The following CRYBA1 variants were observed in gnomAD, a reference collection of about 807,000 sequenced individuals.
The protein encoded by CRYBA1 is beta-crystallin A3.
Under a neutral mutation model 36.2 loss-of-function variants are expected in CRYBA1, and 25 were observed. That is an observed-to-expected ratio of 0.69 (90% CI 0.50 to 0.97). The LOEUF (loss-of-function observed/expected upper bound fraction) is 0.97, where lower values mean the gene tolerates loss of function less well. Among genes scored for constraint, CRYBA1 ranks in the 50% least tolerant of loss-of-function variants. The pLI is 0.00. For synonymous variants in CRYBA1, 111 were observed against 90.0 expected (o/e 1.23, Z -1.32); for missense variants, 224 against 276.3 (o/e 0.81, Z 1.34).
intron 3 of CRYBA1, 57 bp downstream of exon 3, chr17:29,250,357 G>T: frequency 1.0e-6 from 1 of 967,982 alleles, no homozygotes; most frequent in Non-Finnish European, 1.7e-6. Context: ...TTCAGACAGG[G>T]GACCATAGAG....
intron 2 of CRYBA1, 65 bp from the exon 3 acceptor site, chr17:29,250,116 CT>C (rs2068926235): frequency 1.1e-6 from 1 of 894,824 alleles, no homozygotes; most frequent in African/African-American, 1.6e-5. Flanking sequence ...TGAAGTTAAG[CT>C]GTTGACCTGG....
intron 2 of CRYBA1, among the ~76,000 whole-genome samples, chr17:29,249,431 C>T (rs1385791294): frequency 6.6e-6 from 1 of 152,188 alleles, no homozygotes; most frequent in Non-Finnish European, 1.5e-5. Context: ...GGAGATGATA[C>T]CTAGTTTCCT....
intron 5 of CRYBA1, 134 bp from the exon 6 acceptor site, chr17:29,254,068 A>G (rs1388169560): frequency 1.9e-5 from 19 of 989,558 alleles, no homozygotes; most frequent in Non-Finnish European, 2.9e-5. Flanking sequence ...AGTGCCTGAC[A>G]CATTTAGGAT....
At chr17:29,248,122 A>C (rs2068912211) in intron 1 of CRYBA1, among the ~76,000 whole-genome samples, 1 of 151,876 alleles carries the variant, frequency 6.6e-6, no homozygotes, top group African/African-American at 2.4e-5. Context: ...ATCTCAAAAA[A>C]AAAAAAAGAA....
Position 29,254,371 on chromosome 17 carries a change from G to A in CRYBA1, c.*22G>A, listed in dbSNP as rs767733072. 6.2e-6 allele frequency: 10 copies of A among 1,613,328 alleles called. No homozygotes were observed. The highest frequency in any genetic ancestry group is 1.6e-4 in the Middle Eastern group (1 of 6,082). On this transcript the variant is annotated 3_prime_UTR_variant, in exon 6 of 6. Transcript: ENST00000225387. Reference sequence around the variant, plus strand: ...GTAGCTGATTAAAAGCTCCAAGTACGATAATTCCTCAAGCATGAGACCTTG... The same window carrying A: ...GTAGCTGATTAAAAGCTCCAAGTACAATAATTCCTCAAGCATGAGACCTTG...
At chr17:29,248,548 A>G (rs1227722791) in intron 1 of CRYBA1, among the ~76,000 whole-genome samples, 1 of 151,152 alleles carries the variant, frequency 6.6e-6, no homozygotes. Flanking sequence ...TATTTTTAGT[A>G]GAGACGGGGT....
chr17:29,254,398 T>TA lies in CRYBA1; in HGVS notation c.*51dup, dbSNP rs771036252. The TA allele has an allele frequency of 9.6e-5, 152 of 1,591,562 alleles. No individual in the cohort carries two copies. Among genetic ancestry groups the TA allele is most frequent in the Non-Finnish European group, 1.0e-4 (121 of 1,159,708 alleles). The stretch of plus-strand genomic sequence containing the variant: ...TAATTCCTCAAGCATGAGACCTTGC[T>TA]AAGCACTCTAGAATAAGTTTTATGT... On this transcript the variant is annotated 3_prime_UTR_variant, in exon 6 of 6. Coordinates refer to ENST00000225387, the MANE Select transcript of CRYBA1 (RefSeq NM_005208.5).
rs1202469984 is a variant in CRYBA1 at position 29,250,245 on chromosome 17, A to G, written c.160A>G (p.Asn54Asp). 1.9e-6 allele frequency: 3 copies of G among 1,613,838 alleles called. No individual in the cohort carries two copies. Among genetic ancestry groups the G allele is most frequent in the South Asian group, 2.2e-5 (2 of 91,066 alleles). Residue 54 changes from asparagine (N) to aspartate (D), a missense_variant, in exon 3 of 6, where the codon AAT becomes GAT. By Grantham distance (23) the Asn-to-Asp change is conservative. Coordinates refer to ENST00000225387, the MANE Select transcript of CRYBA1 (RefSeq NM_005208.5). ...KRMEFTSSCP[N>D]VSERSFDNVR... ...GATGGAGTTCACCAGCTCCTGTCCA[A>G]ATGTCTCTGAGCGCAGTTTTGATAA...
At chr17:29,248,797 A>C (rs1237829291) in intron 1 of CRYBA1, among the ~76,000 whole-genome samples, 2 of 151,862 alleles carry the variant, frequency 1.3e-5, no homozygotes, top group Non-Finnish European at 2.9e-5. Flanking sequence ...TGAAACCCCC[A>C]TCTCTACTAA....
At chr17:29,249,016 A>T (rs2068918645) in intron 1 of CRYBA1, 126 bp from the exon 2 acceptor site, 1 of 734,210 alleles carries the variant, frequency 1.4e-6, no homozygotes, top group South Asian at 1.4e-5. Flanking sequence ...GCTAGTGAGC[A>T]GCAGAGCCAG....
At chr17:29,247,842 C>T (rs970629436) in intron 1 of CRYBA1, among the ~76,000 whole-genome samples, 2 of 152,178 alleles carry the variant, frequency 1.3e-5, no homozygotes, top group East Asian at 1.9e-4. Flanking sequence ...AATGGCCAGG[C>T]GCCGTGGCTC....
At chr17:29,250,063 G>T (rs912218455) in intron 2 of CRYBA1, 119 bp from the exon 3 acceptor site, 8 of 766,608 alleles carry the variant, frequency 1.0e-5, no homozygotes, top group Non-Finnish European at 1.7e-5. Flanking sequence ...ACCTCATCAG[G>T]CATCCCAGGC....
At chr17:29,253,098 A>G (rs2153009674) in intron 4 of CRYBA1, among the ~76,000 whole-genome samples, 1 of 152,332 alleles carries the variant, frequency 6.6e-6, no homozygotes, top group South Asian at 2.1e-4. Context: ...TATAAAGAAC[A>G]TTCCATCATA....
chr17:29,251,177 GCTTT>G (rs1367141059), intron 3 of CRYBA1, among the ~76,000 whole-genome samples: 1 of 152,166 alleles, frequency 6.6e-6, no homozygotes, highest in African/African-American at 2.4e-5. Context: ...TCATCCCTGT[GCTTT>G]CTTAAGAAGA....
chr17:29,247,328 C>T (rs886810956), intron 1 of CRYBA1, among the ~76,000 whole-genome samples: 1 of 152,228 alleles, frequency 6.6e-6, no homozygotes, highest in African/African-American at 2.4e-5. Flanking sequence ...CCCCACTTTT[C>T]CTTCCTCTTT....
At chr17:29,251,944 TCTA>T in intron 3 of CRYBA1, 117 bp from the exon 4 acceptor site, 1 of 1,242,040 alleles carries the variant, frequency 8.1e-7, no homozygotes, top group Non-Finnish European at 1.2e-6. Flanking sequence ...TTTGTACAGC[TCTA>T]CTGGGATTGG....
At chr17:29,248,710 A>T (rs989703898) in intron 1 of CRYBA1, among the ~76,000 whole-genome samples, 1 of 151,600 alleles carries the variant, frequency 6.6e-6, no homozygotes, top group Non-Finnish European at 1.5e-5. Context: ...AGCTTTACCA[A>T]TGGAAAAACT....
Position 29,253,767 on chromosome 17 carries a change from A to G in CRYBA1, c.485A>G (p.Lys162Arg). Residue 162 changes from lysine (K) to arginine (R), a missense_variant, in exon 5 of 6, where the codon AAG becomes AGG. By Grantham distance (26) the Lys-to-Arg change is conservative (BLOSUM62 2). Coordinates refer to ENST00000225387, the MANE Select transcript of CRYBA1 (RefSeq NM_005208.5). ...GWFNNEVGSM[K>R]IQSGAWVCYQ... is the part of the protein sequence containing the mutation. ...TTCAACAACGAAGTCGGCTCCATGA[A>G]GATACAAAGTGGGGCGTAAGTACAA... The G allele has an allele frequency of 1.2e-6, 2 of 1,614,216 alleles. No individual in the cohort carries two copies. Among genetic ancestry groups the G allele is most frequent in the Non-Finnish European group, 1.7e-6 (2 of 1,180,032 alleles).
intron 3 of CRYBA1, among the ~76,000 whole-genome samples, chr17:29,251,639 C>T (rs1304225570): frequency 3.3e-5 from 5 of 152,232 alleles, no homozygotes; most frequent in East Asian, 1.9e-4. Context: ...TGGGTCACCA[C>T]GCCTGGCTAA....
Sources: gnomAD v4.1 joint callset for allele counts (sites outside exome capture counted in the v4.1 genomes callset) on GRCh38, gnomAD v4.1.1 for gene constraint, MANE v1.5 for transcripts, NCBI Gene and HGNC (gene_info 2026-07-23, HGNC 2026-07-21) for gene names.